The following PTPRT variants were observed in gnomAD, a reference collection of about 807,000 sequenced individuals.
PTPRT encodes protein tyrosine phosphatase receptor type T, also known as receptor-type tyrosine-protein phosphatase T.
In PTPRT, 56 loss-of-function variants were observed where a neutral mutation model predicts 176.8. That is an observed-to-expected ratio of 0.32 (90% CI 0.26 to 0.40). The LOEUF (loss-of-function observed/expected upper bound fraction) is 0.40, where lower values mean the gene tolerates loss of function less well. Among genes scored for constraint, PTPRT ranks in the 10% least tolerant of loss-of-function variants. The pLI is 1.00. For missense variants in PTPRT, 1,540 were observed against 1,908.2 expected, an observed-to-expected ratio of 0.81 and a Z score of 3.60; for synonymous variants, 783 against 739.0, an observed-to-expected ratio of 1.06 and a Z score of -0.96.
intron 8 of PTPRT, among the ~76,000 whole-genome samples, chr20:42,452,627 A>G (rs1466316247): frequency 2.6e-5 from 4 of 152,098 alleles, no homozygotes; most frequent in African/African-American, 9.7e-5. Flanking sequence ...TCTGACGGAA[A>G]TTGAGGAGGG....
intron 27 of PTPRT, among the ~76,000 whole-genome samples, chr20:42,087,904 G>C (rs1293028538): frequency 6.8e-6 from 1 of 147,070 alleles, no homozygotes; most frequent in East Asian, 2.0e-4. Context: ...AATAGAAGAA[G>C]AAGAAGAGAT....
chr20:42,388,968 C>G (rs978107604), intron 9 of PTPRT, among the ~76,000 whole-genome samples: 2 of 152,112 alleles, frequency 1.3e-5, no homozygotes, highest in Admixed American at 1.3e-4. Context: ...GAGTTCATGT[C>G]CTTTGTAGAG....
At chr20:42,087,824 G>C (rs1984144594) in intron 27 of PTPRT, among the ~76,000 whole-genome samples, 1 of 131,136 alleles carries the variant, frequency 7.6e-6, no homozygotes, top group African/African-American at 2.7e-5. Context: ...AGTGGGTGGA[G>C]ATCACGCCAC....
intron 9 of PTPRT, among the ~76,000 whole-genome samples, chr20:42,420,711 G>C (rs1278778532): frequency 2.6e-5 from 4 of 152,182 alleles, no homozygotes; most frequent in African/African-American, 9.6e-5. Context: ...TCTGTCCCCA[G>C]AGTGTGAAGA....
At chr20:43,093,394 A>G (rs994191575) in intron 1 of PTPRT, among the ~76,000 whole-genome samples, 29 of 152,282 alleles carry the variant, frequency 1.9e-4, no homozygotes, top group African/African-American at 6.5e-4. Context: ...GACTGTTTCT[A>G]CTCCCTTCTT....
chr20:42,108,648 T>C (rs1431091176), intron 23 of PTPRT, among the ~76,000 whole-genome samples: 1 of 83,540 alleles, frequency 1.2e-5, no homozygotes, highest in Non-Finnish European at 2.3e-5. Flanking sequence ...GGAGTGGGAA[T>C]ATGAAAACAA....
chr20:42,613,213 C>T (rs904283121), intron 7 of PTPRT, among the ~76,000 whole-genome samples: 17 of 152,222 alleles, frequency 1.1e-4, no homozygotes, highest in African/African-American at 3.1e-4. Flanking sequence ...CAATGGCTTT[C>T]TGGCAGTGAG....
At chr20:43,071,599 A>C (rs2011181286) in intron 1 of PTPRT, among the ~76,000 whole-genome samples, 1 of 152,216 alleles carries the variant, frequency 6.6e-6, no homozygotes, top group Non-Finnish European at 1.5e-5. Context: ...CGGCCTGACC[A>C]ACATGGAGAA....
intron 1 of PTPRT, among the ~76,000 whole-genome samples, chr20:42,932,321 G>A (rs1298754862): frequency 6.6e-6 from 1 of 152,224 alleles, no homozygotes; most frequent in African/African-American, 2.4e-5. Flanking sequence ...GCATGTGCCT[G>A]GTCTAGACCA....
chr20:42,049,851 G>T, the PTPRT span, among the ~76,000 whole-genome samples: 12,728 of 152,206 alleles, frequency 0.084, 1,419 homozygotes, highest in African/African-American at 0.25. Context: ...TCCAAGAGGG[G>T]CTGAGATCAG....
intron 1 of PTPRT, among the ~76,000 whole-genome samples, chr20:43,117,926 T>C (rs903011891): frequency 6.6e-6 from 1 of 152,198 alleles, no homozygotes; most frequent in Non-Finnish European, 1.5e-5. Flanking sequence ...CTAGATAGCA[T>C]CGACATTCAG....
chr20:42,115,067 A>G, intron 22 of PTPRT, 132 bp downstream of exon 22: 1 of 669,168 alleles, frequency 1.5e-6, no homozygotes, highest in East Asian at 2.7e-5. Flanking sequence ...GTCTGCCCTG[A>G]TTGCTGATCT....
intron 7 of PTPRT, among the ~76,000 whole-genome samples, chr20:42,612,227 C>T (rs575416543): frequency 5.3e-5 from 8 of 152,216 alleles, no homozygotes; most frequent in South Asian, 4.1e-4. Flanking sequence ...TATGACAAAA[C>T]TCCCAATTTG....
chr20:42,108,497 G>GGAT (rs1986696065), intron 23 of PTPRT, among the ~76,000 whole-genome samples: 2 of 152,120 alleles, frequency 1.3e-5, no homozygotes, highest in African/African-American at 4.8e-5. Context: ...TGTATAAATT[G>GGAT]GATGAAATTA....
intron 9 of PTPRT, among the ~76,000 whole-genome samples, chr20:42,446,504 T>A (rs141434793): frequency 1.7e-4 from 26 of 151,848 alleles, no homozygotes; most frequent in African/African-American, 6.0e-4. Context: ...TAACTTAACT[T>A]CCTAAATCAT....
At chr20:42,610,302 A>G (rs1379621087) in intron 7 of PTPRT, among the ~76,000 whole-genome samples, 1 of 152,160 alleles carries the variant, frequency 6.6e-6, no homozygotes, top group Admixed American at 6.5e-5. Context: ...GCTTAAATGA[A>G]GGCTCAGTGT....
At chr20:42,927,761 C>T (rs1378398955) in intron 1 of PTPRT, among the ~76,000 whole-genome samples, 2 of 152,192 alleles carry the variant, frequency 1.3e-5, no homozygotes, top group African/African-American at 4.8e-5. Context: ...TCTGTTTCCT[C>T]TTCTGTGGCC....
At chr20:42,915,239 G>A (rs1978659454) in intron 1 of PTPRT, among the ~76,000 whole-genome samples, 1 of 152,228 alleles carries the variant, frequency 6.6e-6, no homozygotes, top group Admixed American at 6.5e-5. Context: ...CGAAATCTGA[G>A]CTTCCATTAA....
chr20:43,053,583 T>A (rs1306121540), intron 1 of PTPRT, among the ~76,000 whole-genome samples: 1 of 152,156 alleles, frequency 6.6e-6, no homozygotes, highest in East Asian at 1.9e-4. Flanking sequence ...CACTCTTCAC[T>A]ACCCACTTCT....
Sources: gnomAD v4.1 joint callset for allele counts (sites outside exome capture counted in the v4.1 genomes callset) on GRCh38, gnomAD v4.1.1 for gene constraint, MANE v1.5 for transcripts, NCBI Gene and HGNC (gene_info 2026-07-23, HGNC 2026-07-21) for gene names.